The following MAMLD1 variants were observed in gnomAD, a reference collection of about 807,000 sequenced individuals.
MAMLD1 encodes mastermind-like domain-containing protein 1.
A neutral mutation model predicts 45.0 loss-of-function variants in MAMLD1; 14 were observed. That is an observed-to-expected ratio of 0.31 (90% CI 0.21 to 0.49). The LOEUF is 0.49. Among genes scored for constraint, MAMLD1 ranks in the 20% least tolerant of loss-of-function variants. The pLI, the probability that MAMLD1 is intolerant of heterozygous loss-of-function variation, is 0.99. For synonymous variants in MAMLD1, 254 were observed against 247.8 expected, an observed-to-expected ratio of 1.02 and a Z score of -0.24; for missense variants, 543 against 603.6, an observed-to-expected ratio of 0.90 and a Z score of 1.05.
Position 150,445,621 on chromosome X carries a change from A to G in MAMLD1, c.96+9A>G, listed in dbSNP as rs1557404759. The G allele has an allele frequency of 9.0e-7, 1 of 1,114,366 alleles. No homozygotes were observed. The highest frequency in any genetic ancestry group is 2.2e-5 in the Admixed American group (1 of 45,437). 91.8% of individuals were successfully genotyped at this position (1,114,366 alleles called of 1,213,427 possible). ...GAAAGCTCCAGGAATCGGTCAGACA[A>G]TGGGCCATGGGGGGAGGGGGGTATT... On this transcript the variant is annotated intron_variant, in intron 2 of 7. Coordinates refer to ENST00000370401, the MANE Select transcript of MAMLD1 (RefSeq NM_005491.5).
chrX:150,468,290 C>A (rs2036287712), intron 3 of MAMLD1, among the ~76,000 whole-genome samples: 1 of 111,837 alleles, frequency 8.9e-6, no homozygotes, highest in Admixed American at 9.4e-5. Flanking sequence ...ATCGTGCTGG[C>A]AAGTGGCCCC....
intron 1 of MAMLD1, among the ~76,000 whole-genome samples, chrX:150,393,358 T>C (rs1797388697): frequency 1.8e-5 from 2 of 112,475 alleles, no homozygotes; most frequent in South Asian, 7.3e-4. Flanking sequence ...GAAGAACATC[T>C]GGGTTGCTTC....
intron 1 of MAMLD1, among the ~76,000 whole-genome samples, chrX:150,411,354 C>T (rs903378329): frequency 6.3e-4 from 71 of 112,635 alleles, no homozygotes; most frequent in African/African-American, 2.2e-3. Flanking sequence ...GAGCTGGCTC[C>T]AATTACACCA....
chrX:150,419,317 T>G (rs2034395284), intron 1 of MAMLD1, among the ~76,000 whole-genome samples: 1 of 100,803 alleles, frequency 9.9e-6, no homozygotes, highest in Non-Finnish European at 2.0e-5. Flanking sequence ...CCTTTTATTT[T>G]GAGCCTATGT....
At chrX:150,404,700 A>G (rs1337173726) in intron 1 of MAMLD1, among the ~76,000 whole-genome samples, 4 of 111,587 alleles carry the variant, frequency 3.6e-5, no homozygotes, top group Non-Finnish European at 7.5e-5. Flanking sequence ...GCCCCTCTCC[A>G]TCATCTGCAG....
At chrX:150,443,390 T>TTTTTATTTTA (rs77742506) in intron 1 of MAMLD1, among the ~76,000 whole-genome samples, 10 of 106,834 alleles carry the variant, frequency 9.4e-5, no homozygotes, top group South Asian at 3.9e-4. Flanking sequence ...TGATCATTTC[T>TTTTTATTTTA]TTTTATTTTA....
chrX:150,474,593 A>G (rs1189919118), intron 5 of MAMLD1, among the ~76,000 whole-genome samples: 2 of 111,585 alleles, frequency 1.8e-5, no homozygotes, highest in Non-Finnish European at 1.9e-5. Flanking sequence ...CTATCTCCAG[A>G]CCCTGTACCC....
intron 4 of MAMLD1, among the ~76,000 whole-genome samples, chrX:150,472,616 G>A (rs188307933): frequency 1.8e-5 from 2 of 112,279 alleles, no homozygotes; most frequent in Admixed American, 1.9e-4. Flanking sequence ...CATGGCAGCT[G>A]GCTTCATCTG....
chrX:150,488,006 C>T (rs1310282921), intron 5 of MAMLD1, among the ~76,000 whole-genome samples: 1 of 112,747 alleles, frequency 8.9e-6, no homozygotes, highest in Non-Finnish European at 1.9e-5. Flanking sequence ...ATCTATATAA[C>T]ACATCCCACA....
chrX:150,439,599 G>A (rs1472855447), intron 1 of MAMLD1, among the ~76,000 whole-genome samples: 1 of 111,450 alleles, frequency 9.0e-6, no homozygotes, highest in Non-Finnish European at 1.9e-5. Flanking sequence ...GCCTCATTGA[G>A]TGGTGTTGGC....
At chrX:150,403,827 AAGAGAG>A (rs1178451790) in intron 1 of MAMLD1, among the ~76,000 whole-genome samples, 15 of 103,075 alleles carry the variant, frequency 1.5e-4, no homozygotes, top group African/African-American at 4.3e-4. Flanking sequence ...GAAAGAAAGA[AAGAGAG>A]AGAGAGAGAG....
chrX:150,417,267 T>C (rs2034287508), intron 1 of MAMLD1, among the ~76,000 whole-genome samples: 1 of 107,679 alleles, frequency 9.3e-6, no homozygotes, highest in African/African-American at 3.4e-5. Flanking sequence ...GTGTTTGGTT[T>C]TTTGTTCTTG....
chrX:150,375,880 G>A (rs1357247423), intron 1 of MAMLD1, among the ~76,000 whole-genome samples: 1 of 112,108 alleles, frequency 8.9e-6, no homozygotes, highest in Non-Finnish European at 1.9e-5. Context: ...AACAAAATGA[G>A]AGTAGTTTGT....
intron 5 of MAMLD1, among the ~76,000 whole-genome samples, chrX:150,492,288 A>G (rs183477605): frequency 8.9e-6 from 1 of 112,933 alleles, no homozygotes; most frequent in Non-Finnish European, 1.9e-5. Context: ...GCTAAAGTGG[A>G]GGTGCAGTGG....
intron 2 of MAMLD1, among the ~76,000 whole-genome samples, chrX:150,458,412 G>T (rs2035936317): frequency 9.0e-6 from 1 of 111,372 alleles, no homozygotes; most frequent in Non-Finnish European, 1.9e-5. Context: ...GCCTACTGTT[G>T]GGGCACAGAG....
intron 1 of MAMLD1, among the ~76,000 whole-genome samples, chrX:150,433,311 G>A (rs2035015123): frequency 8.9e-6 from 1 of 111,990 alleles, no homozygotes; most frequent in Non-Finnish European, 1.9e-5. Flanking sequence ...TAACTTTTAG[G>A]CAAGAATATG....
At chrX:150,401,116 A>G (rs1557402417) in intron 1 of MAMLD1, among the ~76,000 whole-genome samples, 2 of 111,141 alleles carry the variant, frequency 1.8e-5, no homozygotes, top group Non-Finnish European at 3.8e-5. Flanking sequence ...TAAGCTATTG[A>G]TTATTGCCAC....
chrX:150,512,442 C>T lies in MAMLD1; in HGVS notation c.*483C>T, dbSNP rs2037929084. The T allele has an allele frequency of 3.5e-6, 4 of 1,155,582 alleles. No individual in the cohort carries two copies. Among genetic ancestry groups the T allele is most frequent in the Non-Finnish European group, 4.6e-6 (4 of 872,388 alleles). On this transcript the variant is annotated 3_prime_UTR_variant, in exon 8 of 8. Transcript: ENST00000370401. Reference sequence around the variant, plus strand: ...TGGGTCACAGCGGCAGCAGCTGTGACCACAGCAGTTTCGGGGAAAACACCC... The same window carrying T: ...TGGGTCACAGCGGCAGCAGCTGTGATCACAGCAGTTTCGGGGAAAACACCC...
intron 1 of MAMLD1, among the ~76,000 whole-genome samples, chrX:150,439,863 G>A (rs1557404443): frequency 3.6e-5 from 4 of 111,042 alleles, no homozygotes; most frequent in South Asian, 3.9e-4. Flanking sequence ...CAGGAGAATC[G>A]CTTGACCTGG....
Sources: allele counts gnomAD v4.1 joint callset (sites outside exome capture counted in the v4.1 genomes callset), GRCh38; gene constraint gnomAD v4.1.1; transcripts MANE v1.5; gene names NCBI Gene and HGNC (gene_info 2026-07-23, HGNC 2026-07-21).